Variants in AXIN1 observed in about 807,000 individuals in gnomAD.
AXIN1 encodes the protein axin 1.
A neutral mutation model predicts 76.4 loss-of-function variants in AXIN1; 30 were observed. The observed-to-expected ratio is 0.39, with a 90% CI of 0.29 to 0.53. The LOEUF is 0.53. Among genes scored for constraint, AXIN1 ranks in the 20% least tolerant of loss-of-function variants. The pLI is 0.66. For missense variants in AXIN1, 1,140 were observed against 1,198.8 expected (o/e 0.95, Z 0.72); for synonymous variants, 545 against 501.4 (o/e 1.09, Z -1.16).
intron 2 of AXIN1, among the ~76,000 whole-genome samples, chr16:322,381 C>T (rs1319546181): frequency 1.3e-5 from 2 of 152,234 alleles, no homozygotes; most frequent in Non-Finnish European, 2.9e-5. Flanking sequence ...CCTGTACCTG[C>T]CCGCAGTGGA....
At chr16:305,775 A>C (rs556175248) in intron 4 of AXIN1, among the ~76,000 whole-genome samples, 1 of 151,730 alleles carries the variant, frequency 6.6e-6, no homozygotes, top group East Asian at 1.9e-4. Context: ...CAATCTCCTG[A>C]CCTCGTGATC....
intron 4 of AXIN1, among the ~76,000 whole-genome samples, chr16:308,322 G>A (rs8059634): frequency 2.0e-5 from 3 of 151,958 alleles, no homozygotes; most frequent in Non-Finnish European, 4.4e-5. Flanking sequence ...CCAGGTCCAC[G>A]TTCCAGGCAC....
chr16:344,735 C>T (rs1169792298), intron 2 of AXIN1, among the ~76,000 whole-genome samples: 12 of 152,108 alleles, frequency 7.9e-5, no homozygotes, highest in African/African-American at 1.4e-4. Flanking sequence ...GTGATTCGCC[C>T]GCCTCGGCCT....
chr16:342,249 G>A (rs537943945), intron 2 of AXIN1, among the ~76,000 whole-genome samples: 44 of 152,244 alleles, frequency 2.9e-4, no homozygotes, highest in African/African-American at 9.9e-4. Flanking sequence ...CCCACCAGAA[G>A]GAAGAAACTC....
At chr16:296,955 G>A (rs373264697) in intron 7 of AXIN1, 101 bp downstream of exon 7, 59 of 1,416,352 alleles carry the variant, frequency 4.2e-5, no homozygotes, top group Middle Eastern at 3.5e-4. Flanking sequence ...CGTCACAGGC[G>A]ACACTCGCCA....
intron 2 of AXIN1, among the ~76,000 whole-genome samples, chr16:327,147 A>C (rs1290675981): frequency 7.2e-5 from 11 of 151,862 alleles, no homozygotes; most frequent in African/African-American, 2.7e-4. Flanking sequence ...GTCTCAAAAA[A>C]AAAAAGATTG....
At chr16:344,570 C>A (rs2053997450) in intron 2 of AXIN1, among the ~76,000 whole-genome samples, 1 of 151,514 alleles carries the variant, frequency 6.6e-6, no homozygotes, top group Non-Finnish European at 1.5e-5. Context: ...CTCACTGCAA[C>A]CTCTGCCTCC....
At position 287,778 on chromosome 16, in the gene AXIN1, A is replaced by C; in HGVS notation, c.*344T>G. The C allele has an allele frequency of 2.2e-6, 1 of 445,286 alleles. No homozygotes were observed. Among genetic ancestry groups the C allele is most frequent in the Non-Finnish European group, 4.2e-6 (1 of 238,538 alleles). 27.6% of individuals were successfully genotyped at this position (445,286 alleles called of 1,614,324 possible). A position where few individuals can be genotyped will look rare whatever the true frequency, so the allele number is the denominator to read the frequency against. ...AGACCTGGGTACGTGGGCAAATCCCAGAGGGAAAGTAGATCCCAGCACACG... is the reference window on the plus strand; with the variant it reads ...AGACCTGGGTACGTGGGCAAATCCCCGAGGGAAAGTAGATCCCAGCACACG... On this transcript the variant is annotated 3_prime_UTR_variant, in exon 11 of 11. Coordinates refer to ENST00000262320, the MANE Select transcript of AXIN1 (RefSeq NM_003502.4).
chr16:330,050 C>A (rs573082578), intron 2 of AXIN1, among the ~76,000 whole-genome samples: 1 of 148,148 alleles, frequency 6.8e-6, no homozygotes, highest in African/African-American at 2.5e-5. Context: ...ACAGGCATGA[C>A]CCACTGTGCC....
intron 2 of AXIN1, among the ~76,000 whole-genome samples, chr16:322,477 C>G (rs2053480617): frequency 6.6e-6 from 1 of 152,202 alleles, no homozygotes; most frequent in Non-Finnish European, 1.5e-5. Context: ...TGTGCAGGAG[C>G]TGAGTTAGCA....
At position 320,737 on chromosome 16, in the gene AXIN1, A is replaced by ATT. The variant is rs201303569; in HGVS notation, c.879-6055_879-6054insAA. ...TGCGTGTGTGTGTATATATATATAT[A>ATT]TATATATTTTTTTTTTTTTTGAGAC... On this transcript the variant is annotated intron_variant, in intron 2 of 10. Coordinates refer to ENST00000262320, the MANE Select transcript of AXIN1 (RefSeq NM_003502.4). 5.4e-3 allele frequency among the ~76,000 whole-genome samples: 487 copies of ATT among 89,466 alleles called. 6 individuals carry two copies. Among genetic ancestry groups the ATT allele is most frequent in the African/African-American group, 0.033 (430 of 13,046 alleles). The allele number at this position is 89,466 out of a possible 152,430, so 58.7% of individuals were successfully genotyped here. A position where few individuals can be genotyped will look rare whatever the true frequency, so the allele number is the denominator to read the frequency against.
chr16:306,441 C>G (rs1156429252), intron 4 of AXIN1, among the ~76,000 whole-genome samples: 1 of 152,246 alleles, frequency 6.6e-6, no homozygotes, highest in African/African-American at 2.4e-5. Flanking sequence ...CTGTGACAAG[C>G]AAGCAGGGTG....
At chr16:323,832 CTT>C (rs2053519164) in intron 2 of AXIN1, among the ~76,000 whole-genome samples, 1 of 151,814 alleles carries the variant, frequency 6.6e-6, no homozygotes, top group Admixed American at 6.6e-5. Context: ...AGGGGTGTGA[CTT>C]GGGTTCTCAC....
At chr16:303,435 G>A (rs1244135695) in intron 5 of AXIN1, among the ~76,000 whole-genome samples, 1 of 151,934 alleles carries the variant, frequency 6.6e-6, no homozygotes, top group Non-Finnish European at 1.5e-5. Context: ...AGGCTGGAGG[G>A]CAGTGGCGCA....
rs149849071 is a variant in AXIN1, at chr16:297,957, C to T, written c.1549G>A (p.Val517Ile). The T allele has an allele frequency of 1.3e-3, 2,110 of 1,602,626 alleles. 6 individuals carry two copies. The highest frequency in any genetic ancestry group is 1.7e-3 in the Non-Finnish European group (1,948 of 1,176,832). Residue 517 changes from valine (V) to isoleucine (I), a missense_variant, in exon 6 of 11, where the codon GTA becomes ATA. By Grantham distance (29) the Val-to-Ile change is conservative. This residue lies in a region of AXIN1 where 708 missense variants were observed against 776.9 expected (regional missense o/e 0.91). Transcript: ENST00000262320. ...GGAASGHGKH[V>I]PKSGAKLDAA... ...TCCAGCTTCGCCCCTGACTTGGGTA[C>T]GTGCTTCCCGTGCCCCGAGGCGGCA...
rs1597127882 is a variant in AXIN1, at chr16:347,145, G to A, written c.-81-39C>T. ...TAAGAGGACAAGGATTAGGAAAGGT[G>A]GGTCCATGAAACACGACCAGAGGTT... On this transcript the variant is annotated intron_variant, in intron 1 of 10. Transcript: ENST00000262320. 10 of 1,573,672 alleles carry A rather than the reference G, an allele frequency of 6.4e-6. No homozygotes were observed. In the East Asian group the frequency reaches 2.0e-4, roughly 32 times the overall value.
At chr16:289,223 T>A (rs1489882224) in intron 10 of AXIN1, among the ~76,000 whole-genome samples, 1 of 152,050 alleles carries the variant, frequency 6.6e-6, no homozygotes, top group East Asian at 1.9e-4. Flanking sequence ...GTAGCACACC[T>A]GGCTAATTTC....
At chr16:337,488 G>T (rs1365360088) in intron 2 of AXIN1, among the ~76,000 whole-genome samples, 1 of 145,262 alleles carries the variant, frequency 6.9e-6, no homozygotes, top group Admixed American at 6.8e-5. Context: ...ATCCAGAGTG[G>T]GTCAAAACCA....
At chr16:348,959 A>C (rs2054087849) in intron 1 of AXIN1, among the ~76,000 whole-genome samples, 1 of 151,134 alleles carries the variant, frequency 6.6e-6, no homozygotes, top group South Asian at 2.1e-4. Flanking sequence ...TTAGCCAGGC[A>C]TGGTGGTGGG....
Sources: allele counts gnomAD v4.1 joint callset (sites outside exome capture counted in the v4.1 genomes callset), GRCh38; gene constraint gnomAD v4.1.1; regional missense constraint gnomAD v4.1.1; transcripts MANE v1.5; gene names NCBI Gene and HGNC (gene_info 2026-07-23, HGNC 2026-07-21).